GSAP: variants seen among roughly 807,000 people sequenced by gnomAD.
GSAP encodes gamma-secretase-activating protein.
A neutral mutation model predicts 131.7 loss-of-function variants in GSAP; 118 were observed. The ratio of observed to expected loss-of-function variants is 0.90; its 90% CI spans 0.77 to 1.04. GSAP has a LOEUF of 1.04. Ranked by LOEUF, GSAP falls within the 50% of genes least tolerant of loss-of-function variation. The pLI is 0.00. For missense variants in GSAP, 1,019 were observed against 1,013.2 expected, an observed-to-expected ratio of 1.01 and a Z score of -0.08; for synonymous variants, 381 against 363.4, an observed-to-expected ratio of 1.05 and a Z score of -0.55.
At chr7:77,407,807 A>T (rs1487000307) in intron 1 of GSAP, among the ~76,000 whole-genome samples, 1 of 152,230 alleles carries the variant, frequency 6.6e-6, no homozygotes, top group Non-Finnish European at 1.5e-5. Context: ...CAAGGGACAC[A>T]TAAGAATGTC....
chr7:77,374,278 G>C (rs1796531747), intron 11 of GSAP, 123 bp from the exon 12 acceptor site: 16 of 558,024 alleles, frequency 2.9e-5, no homozygotes. Flanking sequence ...AGAAATTTAA[G>C]TAGATAACTT....
intron 3 of GSAP, among the ~76,000 whole-genome samples, chr7:77,400,176 G>A (rs914145180): frequency 1.6e-4 from 24 of 152,092 alleles, no homozygotes; most frequent in Non-Finnish European, 2.5e-4. Flanking sequence ...CCCCTTCTGC[G>A]AGAAGAGTAT....
chr7:77,378,491 AT>A (rs1797306665), intron 8 of GSAP, among the ~76,000 whole-genome samples: 3 of 151,732 alleles, frequency 2.0e-5, no homozygotes, highest in South Asian at 4.1e-4. Context: ...CTCAAAAAAA[AT>A]AAAAATAAAA....
chr7:77,376,772 T>C, intron 10 of GSAP, 76 bp downstream of exon 10: 1 of 610,030 alleles, frequency 1.6e-6, no homozygotes, highest in Non-Finnish European at 2.6e-6. Context: ...TGAGACTCCA[T>C]CTCAAAAAAA....
chr7:77,361,384 T>C (rs1298717078), intron 13 of GSAP, among the ~76,000 whole-genome samples: 1 of 152,194 alleles, frequency 6.6e-6, no homozygotes, highest in African/African-American at 2.4e-5. Context: ...ACTCTTAATC[T>C]TCAGAAAAGT....
chr7:77,356,483 A>C (rs1287671547), intron 14 of GSAP, among the ~76,000 whole-genome samples: 1 of 152,184 alleles, frequency 6.6e-6, no homozygotes, highest in Admixed American at 6.5e-5. Flanking sequence ...CAGTAGCAGG[A>C]GCATTTTGTT....
chr7:77,326,159 T>G (rs893043601), intron 23 of GSAP, 53 bp downstream of exon 23: 3 of 1,133,034 alleles, frequency 2.6e-6, no homozygotes, highest in Non-Finnish European at 3.9e-6. Flanking sequence ...TCCTTTCCCC[T>G]TGTCTTAGGG....
At chr7:77,325,762 G>T (rs1788252757) in intron 23 of GSAP, among the ~76,000 whole-genome samples, 1 of 151,936 alleles carries the variant, frequency 6.6e-6, no homozygotes, top group Admixed American at 6.6e-5. Flanking sequence ...GTAGAGACAG[G>T]GTTTCACCAT....
chr7:77,356,921 C>T (rs946627417), intron 14 of GSAP, among the ~76,000 whole-genome samples: 2 of 152,158 alleles, frequency 1.3e-5, no homozygotes, highest in African/African-American at 2.4e-5. Flanking sequence ...TTTCAGTCAA[C>T]GTGGATTAAA....
chr7:77,402,641 G>A (rs1306267516), intron 3 of GSAP, among the ~76,000 whole-genome samples: 1 of 122,068 alleles, frequency 8.2e-6, no homozygotes, highest in Admixed American at 9.0e-5. Flanking sequence ...ATCTAGATTT[G>A]GTATACAAAT....
At chr7:77,348,453 A>G (rs1407914633) in intron 19 of GSAP, among the ~76,000 whole-genome samples, 1 of 152,106 alleles carries the variant, frequency 6.6e-6, no homozygotes, top group Non-Finnish European at 1.5e-5. Flanking sequence ...TCTTGCCCCC[A>G]GTGAATCACT....
intron 1 of GSAP, among the ~76,000 whole-genome samples, chr7:77,406,985 G>A (rs574860025): frequency 2.0e-4 from 31 of 152,316 alleles, no homozygotes; most frequent in African/African-American, 7.2e-4. Flanking sequence ...GAAGAACCCG[G>A]GCTAGGGATG....
chr7:77,361,683 A>G (rs1176418709), intron 13 of GSAP, among the ~76,000 whole-genome samples: 1 of 152,206 alleles, frequency 6.6e-6, no homozygotes, highest in Non-Finnish European at 1.5e-5. Context: ...CACCCATAGT[A>G]TATACTGCAC....
At chr7:77,354,600 CAAAG>C (rs368163122) in intron 16 of GSAP, among the ~76,000 whole-genome samples, 45 of 151,062 alleles carry the variant, frequency 3.0e-4, no homozygotes, top group African/African-American at 1.0e-3. Context: ...AGCAGATGCA[CAAAG>C]AAAGGCTTGA....
chr7:77,375,222 C>T (rs958457602), intron 10 of GSAP, 121 bp from the exon 11 acceptor site: 1 of 588,428 alleles, frequency 1.7e-6, no homozygotes, highest in Non-Finnish European at 3.0e-6. Context: ...GATATTTAAC[C>T]ATCATTGTCT....
intron 1 of GSAP, among the ~76,000 whole-genome samples, chr7:77,414,204 A>C (rs1803851693): frequency 6.6e-6 from 1 of 152,274 alleles, no homozygotes; most frequent in African/African-American, 2.4e-5. Context: ...TCAGAAAGCA[A>C]GTATGCATAG....
chr7:77,326,214 G>A lies in GSAP; in HGVS notation c.1825C>T (p.Leu609=). 1 of 1,610,940 alleles carries A rather than the reference G, an allele frequency of 6.2e-7. No homozygotes were observed. Among genetic ancestry groups the A allele is most frequent in the Non-Finnish European group, 8.5e-7 (1 of 1,177,728 alleles). ...TAAAGAACCCACGTACCACTTACCA[G>A]CCCCATGAGCAGCCGCTGGTGGCTG... ...EDSHQRLLMG[L]MVSELKDHFL... The change falls in exon 23 of 31, where the codon CTG becomes TTG. Residue 609 remains leucine (L), a splice_region_variant and synonymous_variant. Transcript: ENST00000257626.
intron 28 of GSAP, 132 bp downstream of exon 28, chr7:77,313,356 T>C: frequency 1.6e-6 from 1 of 606,138 alleles, no homozygotes; most frequent in Admixed American, 2.9e-5. Flanking sequence ...GTGGGATTTC[T>C]TGGAAGTGTT....
chr7:77,331,892 G>GA (rs770529010), intron 19 of GSAP: 13,610 of 109,732 alleles, frequency 0.12, 726 homozygotes, highest in African/African-American at 0.16. Flanking sequence ...TATTTAAGAA[G>GA]AAAAAAAAAA....
Sources: allele counts gnomAD v4.1 joint callset (sites outside exome capture counted in the v4.1 genomes callset), GRCh38; gene constraint gnomAD v4.1.1; transcripts MANE v1.5; gene names NCBI Gene and HGNC (gene_info 2026-07-23, HGNC 2026-07-21).